Variants in C1orf167 observed in about 807,000 individuals in gnomAD.
The protein encoded by C1orf167 is chromosome 1 open reading frame 167.
C1orf167 carries 153 observed loss-of-function variants against 176.5 expected under a neutral mutation model. That is an observed-to-expected ratio of 0.87 (90% CI 0.76 to 0.99). The LOEUF is 0.99. Among genes scored for constraint, C1orf167 ranks in the 50% least tolerant of loss-of-function variants. C1orf167 has a pLI of 0.00. For missense variants in C1orf167, 1,490 were observed against 1,817.7 expected (o/e 0.82, Z 3.28); for synonymous variants, 594 against 752.7 (o/e 0.79, Z 3.45).
At chr1:11,775,357 T>C in intron 8 of C1orf167, 78 bp from the exon 9 acceptor site, 1 of 1,130,866 alleles carries the variant, frequency 8.8e-7, no homozygotes, top group Non-Finnish European at 1.2e-6. Flanking sequence ...GGGTAGTGTG[T>C]CTGGCAATGG....
intron 1 of C1orf167, among the ~76,000 whole-genome samples, chr1:11,763,313 T>A (rs1570365691): frequency 6.6e-6 from 1 of 152,094 alleles, no homozygotes; most frequent in Non-Finnish European, 1.5e-5. Context: ...TGGTGGCATG[T>A]GCCTGTGGTT....
intron 6 of C1orf167, among the ~76,000 whole-genome samples, chr1:11,770,594 C>A (rs922953177): frequency 6.6e-6 from 1 of 150,962 alleles, no homozygotes; most frequent in Non-Finnish European, 1.5e-5. Context: ...TAGGCACACA[C>A]CACCACGCCT....
rs760997163 is a variant in C1orf167 at position 11,787,412 on chromosome 1, A to G, written c.3592A>G (p.Thr1198Ala). 4.6e-6 allele frequency: 6 copies of G among 1,302,060 alleles called. No individual in the cohort carries two copies. Among genetic ancestry groups the G allele is most frequent in the Admixed American group, 4.6e-5 (2 of 43,356 alleles). The allele number at this position is 1,302,060 out of a possible 1,614,324, so 80.7% of individuals were successfully genotyped here. A position where few individuals can be genotyped will look rare whatever the true frequency, so the allele number is the denominator to read the frequency against. ...GACCCGCAGCTGCTGGACACAGGCC[A>G]CAGAGCTGGTGCCTCCCGCGCCATC... ...GKTRSCWTQA[T>A]ELVPPAPSLQ... The change falls in exon 17 of 21, where the codon ACA becomes GCA. Residue 1198 changes from threonine (T) to alanine (A), a missense_variant. Transcript: ENST00000688073.
At chr1:11,772,340 C>A in intron 8 of C1orf167, 81 bp downstream of exon 8, 3 of 1,162,926 alleles carry the variant, frequency 2.6e-6, no homozygotes, top group Non-Finnish European at 3.4e-6. Flanking sequence ...ATCTTGCTCA[C>A]TGCACCCTCC....
At chr1:11,775,671 T>C (rs1271963038) in intron 9 of C1orf167, 61 bp downstream of exon 9, 1 of 1,245,734 alleles carries the variant, frequency 8.0e-7, no homozygotes, top group Non-Finnish European at 1.0e-6. Context: ...TCTTCAGTGG[T>C]CCCCAGTTGA....
rs1227591698 is a variant in C1orf167, at chr1:11,770,996, GTGTGTATA to G, written c.1698-526_1698-519del. 6.1e-3 allele frequency among the ~76,000 whole-genome samples: 218 copies of G among 35,548 alleles called. 2 individuals are homozygous for G. Among genetic ancestry groups the G allele is most frequent in the Non-Finnish European group, 0.012 (174 of 14,644 alleles). 23.3% of individuals were successfully genotyped at this position (35,548 alleles called of 152,430 possible). A position where few individuals can be genotyped will look rare whatever the true frequency, so the allele number is the denominator to read the frequency against. On this transcript the variant is annotated intron_variant, in intron 6 of 20. Transcript: ENST00000688073. ...TTTGTGTGTGTGTGTGTGTGTGTGT[GTGTGTATA>G]TATCACCTCTGGCAGCGTGTGTGTG...
Position 11,784,534 on chromosome 1 carries a change from G to A in C1orf167, c.3366G>A (p.Val1122=), listed in dbSNP as rs889687777. Reference sequence around the variant, plus strand: ...GGACTTGGTGCTGGGCTCTGTGGGTGCATGAGTCCTGTCGGGGCCAGGTCA... The same window carrying A: ...GGACTTGGTGCTGGGCTCTGTGGGTACATGAGTCCTGTCGGGGCCAGGTCA... ...QCWTWCWALW[V]HESCRGQVSR... The change falls in exon 15 of 21, where the codon GTG becomes GTA. Residue 1122 remains valine (V), a synonymous_variant. Transcript: ENST00000688073. 1.4e-5 allele frequency: 18 copies of A among 1,297,998 alleles called. No individual in the cohort carries two copies. In the Admixed American group the frequency reaches 2.3e-4, roughly 17 times the overall value. 80.4% of individuals were successfully genotyped at this position (1,297,998 alleles called of 1,614,324 possible). A position where few individuals can be genotyped will look rare whatever the true frequency, so the allele number is the denominator to read the frequency against.
Position 11,775,533 on chromosome 1 carries a change from A to C in C1orf167, c.2087A>C (p.Gln696Pro). 1.5e-6 allele frequency: 2 copies of C among 1,304,276 alleles called. No homozygotes were observed. Among genetic ancestry groups the C allele is most frequent in the Non-Finnish European group, 2.0e-6 (2 of 988,942 alleles). The allele number at this position is 1,304,276 out of a possible 1,614,324, so 80.8% of individuals were successfully genotyped here. A position where few individuals can be genotyped will look rare whatever the true frequency, so the allele number is the denominator to read the frequency against. ...GGGACCCTGAGGAAATGCCTGGAAC[A>C]GTGGGTGCGGATGAAGCAGCTCCGG... ...RTGTLRKCLE[Q>P]WVRMKQLRES... Residue 696 changes from glutamine (Q) to proline (P), a missense_variant, in exon 9 of 21, where the codon CAG becomes CCG. Gln to Pro is a moderately conservative substitution (Grantham distance 76). Coordinates refer to ENST00000688073, the MANE Select transcript of C1orf167 (RefSeq NM_001010881.2).
At chr1:11,780,086 TGGC>T in intron 13 of C1orf167, 76 bp downstream of exon 13, 1 of 1,116,708 alleles carries the variant, frequency 9.0e-7, no homozygotes. Context: ...ACTGCAGCCC[TGGC>T]CAACAACTTG....
Position 11,776,657 on chromosome 1 carries a change from G to C in C1orf167, c.2339+19G>C, listed in dbSNP as rs369863545. 3 of 1,194,358 alleles carry C rather than the reference G, an allele frequency of 2.5e-6. No homozygotes were observed. Among genetic ancestry groups the C allele is most frequent in the Non-Finnish European group, 3.2e-6 (3 of 936,778 alleles). 74.0% of individuals were successfully genotyped at this position (1,194,358 alleles called of 1,614,324 possible). A position where few individuals can be genotyped will look rare whatever the true frequency, so the allele number is the denominator to read the frequency against. On this transcript the variant is annotated intron_variant, in intron 10 of 20. Coordinates refer to ENST00000688073, the MANE Select transcript of C1orf167 (RefSeq NM_001010881.2). The stretch of plus-strand genomic sequence containing the variant: ...GGGCCAAGTAGGTGTCCTCGAGCTT[G>C]TGACCTGGGGTTGGGCCTGGGGGCT...
chr1:11,763,236 T>C (rs1642611188), intron 1 of C1orf167, among the ~76,000 whole-genome samples: 2 of 152,158 alleles, frequency 1.3e-5, no homozygotes. Flanking sequence ...GGTCAGGAGT[T>C]CGAGACCATC....
intron 1 of C1orf167, 74 bp from the exon 2 acceptor site, chr1:11,764,257 C>T (rs1642678376): frequency 1.1e-5 from 6 of 562,500 alleles, no homozygotes; most frequent in Admixed American, 2.5e-5. Context: ...AGGAGTACTG[C>T]TAAAGGGAGG....
chr1:11,769,758 G>A (rs1384872047), intron 6 of C1orf167, among the ~76,000 whole-genome samples: 2 of 147,492 alleles, frequency 1.4e-5, no homozygotes, highest in Middle Eastern at 3.5e-3. Context: ...TGCAAGCTCC[G>A]CCTCCCAGGT....
chr1:11,766,548 CA>C lies in C1orf167; in HGVS notation c.763del (p.Arg255GlyfsTer70). The C allele has an allele frequency of 8.0e-7, 1 of 1,245,168 alleles. No homozygotes were observed. The highest frequency in any genetic ancestry group is 1.5e-5 in the African/African-American group (1 of 64,696). 77.1% of individuals were successfully genotyped at this position (1,245,168 alleles called of 1,614,324 possible). ...GCCTGGCGCAGGAGGCAGCCCGACT[CA>C]GGTGCCAGGCTCCCCAGGAACCCCC... is the stretch of plus-strand genomic sequence containing the variant. Reference protein sequence around the residue: ...HCLAQEAARLRCQAPQEPPGA... With the variant: ...HCLAQEAARLXCQAPQEPPGA... On this transcript the variant is annotated frameshift_variant, in exon 3 of 21. Transcript: ENST00000688073. LOFTEE classifies it high-confidence loss of function. The surrounding 1 kb of genome is among the most constrained non-coding windows in gnomAD (Gnocchi z 4.5).
At position 11,784,331 on chromosome 1, in the gene C1orf167, G is replaced by T. The variant is rs909609643; in HGVS notation, c.3163G>T (p.Val1055Leu). 2.4e-5 allele frequency: 31 copies of T among 1,303,734 alleles called. No individual in the cohort carries two copies. Among genetic ancestry groups the T allele is most frequent in the East Asian group, 5.5e-5 (1 of 18,046 alleles). The allele number at this position is 1,303,734 out of a possible 1,614,324, so 80.8% of individuals were successfully genotyped here. The part of the protein sequence containing the change: ...EVAAGAQEQR[V>L]AQASLARWRS... ...GGCAGCCGGGGCACAGGAGCAGCGT[G>T]TGGCCCAGGCCTCCCTTGCCCGCTG... Residue 1055 changes from valine to leucine, a missense_variant, in exon 15 of 21, where the codon GTG becomes TTG. Val to Leu is a conservative substitution (Grantham distance 32, BLOSUM62 1). Transcript: ENST00000688073.
chr1:11,776,451 G>A lies in C1orf167; in HGVS notation c.2165-13G>A. 2.3e-6 allele frequency: 3 copies of A among 1,299,420 alleles called. No individual in the cohort carries two copies. The South Asian group carries it at 3.7e-5, about 16-fold the overall frequency. 80.5% of individuals were successfully genotyped at this position (1,299,420 alleles called of 1,614,324 possible). On this transcript the variant is annotated splice_polypyrimidine_tract_variant and intron_variant, in intron 9 of 20. Transcript: ENST00000688073. ...TGGGGAGGCAGCTGACTGGACTCTT[G>A]ACGGTTTCTCAGGACGTGAGGCTGT...
At chr1:11,784,737 C>T (rs766820108) in intron 15 of C1orf167, 144 bp downstream of exon 15, 32 of 952,196 alleles carry the variant, frequency 3.4e-5, no homozygotes, top group Middle Eastern at 4.6e-4. Context: ...AGGGAGAGGC[C>T]GCCCTGGCCA....
At position 11,784,236 on chromosome 1, in the gene C1orf167, C is replaced by A; in HGVS notation, c.3068C>A (p.Ala1023Asp). ...GGGGTGCTCCGGGCCCAGCATCAAG[C>A]CTTTCAGGATGGCCTGAGGAGAAGA... ...DTGVLRAQHQ[A>D]FQDGLRRRAL... Residue 1023 changes from alanine to aspartate, a missense_variant, in exon 15 of 21, where the codon GCC (alanine) becomes GAC (aspartate). By Grantham distance (126) the Ala-to-Asp change is moderately radical. Transcript: ENST00000688073. 7.7e-7 allele frequency: 1 copy of A among 1,291,974 alleles called. No individual in the cohort carries two copies. The highest frequency in any genetic ancestry group is 1.0e-6 in the Non-Finnish European group (1 of 982,358). 80.0% of individuals were successfully genotyped at this position (1,291,974 alleles called of 1,614,324 possible).
In C1orf167 at chr1:11,764,363, C is replaced by G. The variant is rs1002268936; in HGVS notation, c.-38C>G. ...CTGATTAAACAGACCAGGCCACTCA[C>G]TGTGGAGTGGACCAAGGATACTCCT... On this transcript the variant is annotated 5_prime_UTR_variant, in exon 2 of 21. Coordinates refer to ENST00000688073, the MANE Select transcript of C1orf167 (RefSeq NM_001010881.2). 7.8e-7 allele frequency: 1 copy of G among 1,275,190 alleles called. No individual in the cohort carries two copies. The highest frequency in any genetic ancestry group is 1.2e-5 in the South Asian group (1 of 80,756). 79.0% of individuals were successfully genotyped at this position (1,275,190 alleles called of 1,614,324 possible). A position where few individuals can be genotyped will look rare whatever the true frequency, so the allele number is the denominator to read the frequency against.
Sources: allele counts gnomAD v4.1 joint callset (sites outside exome capture counted in the v4.1 genomes callset), GRCh38; gene constraint gnomAD v4.1.1; non-coding constraint Gnocchi (gnomAD v3.1); transcripts MANE v1.5; gene names NCBI Gene and HGNC (gene_info 2026-07-23, HGNC 2026-07-21).